The following AUTS2 variants were observed in gnomAD, a reference collection of about 807,000 sequenced individuals.
AUTS2 encodes autism susceptibility gene 2 protein.
Under a neutral mutation model 112.4 loss-of-function variants are expected in AUTS2, and 17 were observed. The ratio of observed to expected loss-of-function variants is 0.15; its 90% CI spans 0.10 to 0.23. The LOEUF (loss-of-function observed/expected upper bound fraction) is 0.23, where lower values mean the gene tolerates loss of function less well. Among genes scored for constraint, AUTS2 ranks in the 10% least tolerant of loss-of-function variants. The pLI is 1.00. For synonymous variants in AUTS2, 751 were observed against 702.7 expected, an observed-to-expected ratio of 1.07 and a Z score of -1.09; for missense variants, 1,510 against 1,701.6, an observed-to-expected ratio of 0.89 and a Z score of 1.98.
At chr7:70,185,257 C>CTTTTTTTTTTTTTTTTTTTTTTTTT (rs35215443) in intron 4 of AUTS2, among the ~76,000 whole-genome samples, 5 of 87,118 alleles carry the variant, frequency 5.7e-5, no homozygotes, top group Non-Finnish European at 8.7e-5. Flanking sequence ...TGACATTAAA[C>CTTTTTTTTTTTTTTTTTTTTTTTTT]TTTTTTTTTT....
rs190823192 is a variant in AUTS2 at position 70,552,926 on chromosome 7, T to C, written c.690+117145T>C. Among the ~76,000 whole-genome samples the C allele has an allele frequency of 4.6e-3, 693 of 152,274 alleles. 7 individuals carry two copies. The highest frequency in any genetic ancestry group is 0.016 in the African/African-American group (656 of 41,544). ...CCTGTTGACCATCTGAATAATCAAATAGATTGGTAGCACTAGGTATAGCAT... is the reference window on the plus strand; with the variant it reads ...CCTGTTGACCATCTGAATAATCAAACAGATTGGTAGCACTAGGTATAGCAT... On this transcript the variant is annotated intron_variant, in intron 5 of 18. Coordinates refer to ENST00000342771, the MANE Select transcript of AUTS2 (RefSeq NM_015570.4).
intron 5 of AUTS2, among the ~76,000 whole-genome samples, chr7:70,650,898 G>T (rs1009753477): frequency 5.3e-5 from 8 of 152,178 alleles, no homozygotes; most frequent in African/African-American, 1.9e-4. Flanking sequence ...TTGATGACCA[G>T]AGTTCAAATC....
chr7:69,873,797 AC>A (rs1793607716), intron 1 of AUTS2, among the ~76,000 whole-genome samples: 1 of 152,208 alleles, frequency 6.6e-6, no homozygotes, highest in Admixed American at 6.5e-5. Context: ...AGCTGGAATT[AC>A]ACCTACTTTA....
chr7:69,983,484 C>T (rs1467171746), intron 2 of AUTS2, among the ~76,000 whole-genome samples: 1 of 151,776 alleles, frequency 6.6e-6, no homozygotes, highest in African/African-American at 2.4e-5. Context: ...CACATGGTAA[C>T]CTGCCAGCAT....
At chr7:70,789,385 G>T (rs1278365337) in intron 18 of AUTS2, among the ~76,000 whole-genome samples, 1 of 152,192 alleles carries the variant, frequency 6.6e-6, no homozygotes, top group Admixed American at 6.5e-5. Context: ...AGTCCAGACA[G>T]TCGGGCTGGA....
intron 5 of AUTS2, among the ~76,000 whole-genome samples, chr7:70,480,362 A>G (rs997065986): frequency 1.3e-5 from 2 of 152,238 alleles, no homozygotes; most frequent in African/African-American, 4.8e-5. Context: ...ATAGCTCAGA[A>G]GAAAGTTGAT....
At chr7:70,422,320 G>A (rs186594720) in intron 4 of AUTS2, among the ~76,000 whole-genome samples, 9 of 152,294 alleles carry the variant, frequency 5.9e-5, no homozygotes, top group Admixed American at 5.9e-4. Flanking sequence ...CCCTCTTCCT[G>A]CTCAATTCCA....
chr7:69,813,690 T>C (rs1054151279), intron 1 of AUTS2, among the ~76,000 whole-genome samples: 7 of 152,176 alleles, frequency 4.6e-5, no homozygotes, highest in African/African-American at 1.7e-4. Context: ...AATCATGTTA[T>C]ATGGAAGAAG....
intron 5 of AUTS2, among the ~76,000 whole-genome samples, chr7:70,588,908 G>T (rs1019239903): frequency 6.6e-6 from 1 of 152,042 alleles, no homozygotes; most frequent in African/African-American, 2.4e-5. Context: ...ATCTGAATTC[G>T]GGTATTTCTG....
chr7:69,894,252 G>A (rs1035778483), intron 1 of AUTS2, among the ~76,000 whole-genome samples: 1 of 36,746 alleles, frequency 2.7e-5, no homozygotes, highest in East Asian at 1.0e-3. Context: ...GCCTTAAAGC[G>A]TTTTTTTTTT....
chr7:70,713,241 C>G (rs543970031), intron 6 of AUTS2, among the ~76,000 whole-genome samples: 1 of 152,204 alleles, frequency 6.6e-6, no homozygotes, highest in Non-Finnish European at 1.5e-5. Context: ...TATCACAGCA[C>G]ACAACACACA....
At chr7:70,010,423 A>G (rs1799745757) in intron 2 of AUTS2, among the ~76,000 whole-genome samples, 2 of 152,160 alleles carry the variant, frequency 1.3e-5, no homozygotes, top group Non-Finnish European at 2.9e-5. Context: ...TGGGATTGTC[A>G]GCATAAGGCA....
Position 70,431,642 on chromosome 7 carries a change from C to T in AUTS2, c.661-4110C>T, listed in dbSNP as rs937448572. Among the ~76,000 whole-genome samples the T allele has an allele frequency of 5.4e-4, 82 of 152,330 alleles. 1 individual carries two copies. Among genetic ancestry groups the T allele is most frequent in the African/African-American group, 1.9e-3 (77 of 41,574 alleles). On this transcript the variant is annotated intron_variant, in intron 4 of 18. Coordinates refer to ENST00000342771, the MANE Select transcript of AUTS2 (RefSeq NM_015570.4). The stretch of plus-strand genomic sequence containing the variant: ...CTCATGATCCACCCGCCTTCAGCCT[C>T]CCAAAGTGCTGGGATTACAGGCGTG...
At chr7:70,059,981 TA>T (rs1271496144) in intron 2 of AUTS2, among the ~76,000 whole-genome samples, 3 of 152,242 alleles carry the variant, frequency 2.0e-5, no homozygotes, top group Non-Finnish European at 4.4e-5. Context: ...CACTTTAGAC[TA>T]AATTTTTTCT....
At chr7:70,222,831 A>G (rs182362995) in intron 4 of AUTS2, among the ~76,000 whole-genome samples, 6 of 152,012 alleles carry the variant, frequency 3.9e-5, no homozygotes, top group African/African-American at 1.2e-4. Context: ...CAACTCATAA[A>G]ATATTTGAAT....
intron 4 of AUTS2, among the ~76,000 whole-genome samples, chr7:70,324,055 A>G (rs1348315342): frequency 6.6e-6 from 1 of 152,220 alleles, no homozygotes; most frequent in Non-Finnish European, 1.5e-5. Context: ...TGGACAAAAG[A>G]GGAGCTATTT....
chr7:70,665,262 C>A (rs1030654470), intron 5 of AUTS2, among the ~76,000 whole-genome samples: 7 of 151,624 alleles, frequency 4.6e-5, no homozygotes, highest in Non-Finnish European at 8.8e-5. Context: ...AAATGCAGAT[C>A]TTTTTTTTCT....
At chr7:70,649,185 G>A (rs951899848) in intron 5 of AUTS2, among the ~76,000 whole-genome samples, 4 of 148,544 alleles carry the variant, frequency 2.7e-5, no homozygotes, top group Non-Finnish European at 6.0e-5. Context: ...TAGCTCAGAA[G>A]TTTGAGACCT....
intron 1 of AUTS2, among the ~76,000 whole-genome samples, chr7:69,706,728 AT>A (rs1435698769): frequency 6.6e-6 from 1 of 152,010 alleles, no homozygotes; most frequent in East Asian, 1.9e-4. Context: ...TTATCAGGTA[AT>A]TTATTAAATG....
Sources: allele counts gnomAD v4.1 joint callset (sites outside exome capture counted in the v4.1 genomes callset), GRCh38; gene constraint gnomAD v4.1.1; transcripts MANE v1.5; gene names NCBI Gene and HGNC (gene_info 2026-07-23, HGNC 2026-07-21).